FAAH2: variants seen among roughly 807,000 people sequenced by gnomAD.
FAAH2 encodes fatty acid amide hydrolase 2.
In FAAH2, 60 loss-of-function variants were observed where a neutral mutation model predicts 36.9. The observed-to-expected ratio is 1.63, with a 90% confidence interval of 1.32 to 2.02. The LOEUF is 2.02. Among genes scored for constraint, FAAH2 ranks in the 30% most tolerant of loss-of-function variants. The pLI is 0.00. For missense variants in FAAH2, 689 were observed against 397.5 expected, an observed-to-expected ratio of 1.73 and a Z score of -6.23; for synonymous variants, 214 against 143.8, an observed-to-expected ratio of 1.49 and a Z score of -3.49.
chrX:57,199,202 A>G, the FAAH2 span, among the ~76,000 whole-genome samples: 1 of 110,864 alleles, frequency 9.0e-6, no homozygotes, highest in Admixed American at 9.6e-5. Flanking sequence ...TTGTTTATCT[A>G]AAGTTTTTCT....
the FAAH2 span, chrX:57,137,361 G>A: frequency 7.9e-6 from 6 of 757,025 alleles, no homozygotes; most frequent in Non-Finnish European, 9.4e-6. Context: ...CCATAGATGA[G>A]GAGCGTGTGT....
chrX:57,439,066 G>A (rs1182070954), intron 8 of FAAH2, among the ~76,000 whole-genome samples: 2 of 110,940 alleles, frequency 1.8e-5, no homozygotes, highest in Non-Finnish European at 3.8e-5. Flanking sequence ...AAACATACGT[G>A]TGCATGTGTC....
chrX:57,320,706 A>G (rs2052995379), intron 3 of FAAH2, among the ~76,000 whole-genome samples: 1 of 112,894 alleles, frequency 8.9e-6, no homozygotes, highest in African/African-American at 3.2e-5. Flanking sequence ...TCTACTATAA[A>G]GCAACATGCA....
intron 10 of FAAH2, among the ~76,000 whole-genome samples, chrX:57,468,002 C>T (rs933983295): frequency 8.9e-6 from 1 of 111,820 alleles, no homozygotes; most frequent in Non-Finnish European, 1.9e-5. Flanking sequence ...TGGAGTGGAC[C>T]TCCAGCAAAC....
At chrX:57,398,779 T>A (rs1312221263) in intron 7 of FAAH2, among the ~76,000 whole-genome samples, 1 of 111,456 alleles carries the variant, frequency 9.0e-6, no homozygotes, top group East Asian at 2.8e-4. Context: ...TGGTCGGGTG[T>A]GAGCTAAGTT....
chrX:57,385,904 T>TA (rs2055010256), intron 7 of FAAH2, among the ~76,000 whole-genome samples: 1 of 24,633 alleles, frequency 4.1e-5, no homozygotes, highest in South Asian at 4.1e-3. Context: ...TGAGACTCCG[T>TA]TAAAAAAAAA....
At chrX:57,479,628 A>G (rs1441260407) in intron 10 of FAAH2, among the ~76,000 whole-genome samples, 1 of 111,544 alleles carries the variant, frequency 9.0e-6, no homozygotes, top group East Asian at 2.8e-4. Flanking sequence ...TGGGTTTGTC[A>G]TAGATAGCTC....
chrX:57,158,799 A>G, the FAAH2 span, among the ~76,000 whole-genome samples: 17 of 111,813 alleles, frequency 1.5e-4, no homozygotes, highest in South Asian at 1.5e-3. Context: ...CAGGTTGCCT[A>G]TTCACTCTGA....
chrX:57,176,846 G>T, the FAAH2 span, among the ~76,000 whole-genome samples: 1 of 111,134 alleles, frequency 9.0e-6, no homozygotes, highest in Non-Finnish European at 1.9e-5. Flanking sequence ...CAGTGGTAAA[G>T]ATTCTGTGTG....
At chrX:57,235,277 G>T in the FAAH2 span, among the ~76,000 whole-genome samples, 1 of 110,990 alleles carries the variant, frequency 9.0e-6, no homozygotes, top group Non-Finnish European at 1.9e-5. Flanking sequence ...AGTTGCTAGA[G>T]AAAAAGAAAG....
chrX:57,254,773 C>T, the FAAH2 span, among the ~76,000 whole-genome samples: 1 of 111,809 alleles, frequency 8.9e-6, no homozygotes, highest in Admixed American at 9.5e-5. Flanking sequence ...ACATTTAAAG[C>T]AGTGTGTAGA....
chrX:57,402,299 A>C (rs2055457957), intron 7 of FAAH2, among the ~76,000 whole-genome samples: 1 of 111,869 alleles, frequency 8.9e-6, no homozygotes, highest in African/African-American at 3.2e-5. Flanking sequence ...AATCTTTTTA[A>C]AGTGTCCTTG....
chrX:57,270,053 C>G, the FAAH2 span, among the ~76,000 whole-genome samples: 1 of 111,302 alleles, frequency 9.0e-6, no homozygotes, highest in East Asian at 2.8e-4. Flanking sequence ...CCACTGACCC[C>G]GCAGAAATAA....
chrX:57,446,584 C>T (rs1487042772), intron 8 of FAAH2, among the ~76,000 whole-genome samples: 4 of 111,982 alleles, frequency 3.6e-5, no homozygotes, highest in Non-Finnish European at 5.6e-5. Context: ...ACAACCCACT[C>T]GCACCTCCAT....
chrX:57,218,539 G>A, the FAAH2 span, among the ~76,000 whole-genome samples: 90 of 111,811 alleles, frequency 8.0e-4, no homozygotes, highest in Non-Finnish European at 1.4e-3. Flanking sequence ...CTGCATCCCT[G>A]GTATGAAACC....
At chrX:57,434,604 T>C (rs906136400) in intron 8 of FAAH2, among the ~76,000 whole-genome samples, 3 of 109,535 alleles carry the variant, frequency 2.7e-5, no homozygotes, top group African/African-American at 9.9e-5. Context: ...CAAACAAAAA[T>C]AAAGACAAAT....
At chrX:57,439,339 T>C (rs2147141551) in intron 8 of FAAH2, among the ~76,000 whole-genome samples, 1 of 111,937 alleles carries the variant, frequency 8.9e-6, no homozygotes, top group African/African-American at 3.3e-5. Context: ...GATTTGCATT[T>C]CTCTGATGGC....
At chrX:57,127,517 C>A in the FAAH2 span, among the ~76,000 whole-genome samples, 282 of 111,493 alleles carry the variant, frequency 2.5e-3, 2 homozygotes, top group Non-Finnish European at 4.0e-3. Flanking sequence ...CTTTAGATTT[C>A]TTTGTCTTAA....
At chrX:57,314,944 T>G in intron 3 of FAAH2, among the ~76,000 whole-genome samples, 1 of 110,451 alleles carries the variant, frequency 9.1e-6, no homozygotes, top group Non-Finnish European at 1.9e-5. Context: ...TTAGAGAACT[T>G]AGTAAAATAT....
Sources: allele counts gnomAD v4.1 joint callset (sites outside exome capture counted in the v4.1 genomes callset), GRCh38; gene constraint gnomAD v4.1.1; transcripts MANE v1.5; gene names NCBI Gene and HGNC (gene_info 2026-07-23, HGNC 2026-07-21).